The following LRRTM4 variants were observed in gnomAD, a reference collection of about 807,000 sequenced individuals.
LRRTM4 encodes the protein leucine rich repeat transmembrane neuronal 4.
A neutral mutation model predicts 47.6 loss-of-function variants in LRRTM4; 25 were observed. The ratio of observed to expected loss-of-function variants is 0.53; its 90% CI spans 0.38 to 0.73. LRRTM4 has a LOEUF of 0.73. Ranked by LOEUF, LRRTM4 falls within the 30% of genes least tolerant of loss-of-function variation. The pLI is 0.00. For missense variants in LRRTM4, 638 were observed against 713.4 expected (o/e 0.89, Z 1.20); for synonymous variants, 311 against 269.5 (o/e 1.15, Z -1.51).
chr2:77,483,155 T>C (rs886425880), intron 3 of LRRTM4, among the ~76,000 whole-genome samples: 1 of 124,126 alleles, frequency 8.1e-6, no homozygotes, highest in East Asian at 3.9e-4. Context: ...AAAAAAAAAA[T>C]TCCACCGCAT....
intron 3 of LRRTM4, among the ~76,000 whole-genome samples, chr2:77,248,922 A>G (rs1212070026): frequency 6.6e-6 from 1 of 152,186 alleles, no homozygotes. Flanking sequence ...CCAAATATAA[A>G]AGAAAAAATA....
chr2:76,939,431 T>C (rs1049401769), intron 3 of LRRTM4, among the ~76,000 whole-genome samples: 4 of 152,098 alleles, frequency 2.6e-5, no homozygotes, highest in African/African-American at 4.8e-5. Context: ...ATTGAAAAAT[T>C]ACACAGATTT....
At chr2:77,042,674 TAAGTA>T (rs1404984188) in intron 3 of LRRTM4, among the ~76,000 whole-genome samples, 2 of 148,922 alleles carry the variant, frequency 1.3e-5, no homozygotes, top group South Asian at 2.1e-4. Context: ...CTTATGATGA[TAAGTA>T]AATTATGTGA....
At chr2:77,138,840 C>G (rs1479311824) in intron 3 of LRRTM4, among the ~76,000 whole-genome samples, 1 of 152,030 alleles carries the variant, frequency 6.6e-6, no homozygotes, top group African/African-American at 2.4e-5. Flanking sequence ...GAATACTATA[C>G]ACACCTTTAT....
intron 3 of LRRTM4, among the ~76,000 whole-genome samples, chr2:76,789,789 G>A (rs924804875): frequency 9.2e-5 from 14 of 152,136 alleles, no homozygotes; most frequent in Non-Finnish European, 1.5e-5. Context: ...AGAGAACAAA[G>A]GCATGGTGTC....
At chr2:77,456,037 C>T (rs59381121) in intron 3 of LRRTM4, among the ~76,000 whole-genome samples, 6,852 of 152,140 alleles carry the variant, frequency 0.045, 461 homozygotes, top group African/African-American at 0.15. Flanking sequence ...TGTCAACATG[C>T]GTAAATCCCT....
At chr2:77,108,003 G>C (rs1203904406) in intron 3 of LRRTM4, among the ~76,000 whole-genome samples, 2 of 151,870 alleles carry the variant, frequency 1.3e-5, no homozygotes, top group Admixed American at 6.6e-5. Context: ...CATGGCTGTG[G>C]AAGTATTTAC....
At chr2:77,458,480 C>G (rs193296920) in intron 3 of LRRTM4, among the ~76,000 whole-genome samples, 2 of 152,012 alleles carry the variant, frequency 1.3e-5, no homozygotes, top group Non-Finnish European at 2.9e-5. Context: ...GCCAATGGAA[C>G]CTGAGAAGCA....
At chr2:76,986,874 A>C (rs1221895517) in intron 3 of LRRTM4, among the ~76,000 whole-genome samples, 1 of 151,962 alleles carries the variant, frequency 6.6e-6, no homozygotes, top group African/African-American at 2.4e-5. Flanking sequence ...AACTAAAATA[A>C]ACATGGCAAA....
At chr2:76,968,204 C>G (rs1676091195) in intron 3 of LRRTM4, among the ~76,000 whole-genome samples, 1 of 150,048 alleles carries the variant, frequency 6.7e-6, no homozygotes, top group Non-Finnish European at 1.5e-5. Flanking sequence ...CTGTTTAATT[C>G]AGTAATGATA....
At chr2:76,859,201 G>A (rs1304070245) in intron 3 of LRRTM4, among the ~76,000 whole-genome samples, 1 of 152,160 alleles carries the variant, frequency 6.6e-6, no homozygotes, top group Non-Finnish European at 1.5e-5. Context: ...TACTGGTTGA[G>A]TGCAAGGGTG....
intron 3 of LRRTM4, among the ~76,000 whole-genome samples, chr2:76,781,368 A>T: frequency 6.6e-6 from 1 of 152,138 alleles, no homozygotes; most frequent in East Asian, 1.9e-4. Context: ...GCCGCCTTGC[A>T]GTTTGATCTC....
intron 3 of LRRTM4, among the ~76,000 whole-genome samples, chr2:77,461,138 T>TGAGAGAGAGAGAGAGAGA (rs72075725): frequency 2.1e-5 from 3 of 145,458 alleles, no homozygotes; most frequent in South Asian, 2.2e-4. Context: ...ACATACACAG[T>TGAGAGAGAGAGAGAGAGA]GAGAGAGAGA....
chr2:77,316,073 T>G (rs1422032031), intron 3 of LRRTM4, among the ~76,000 whole-genome samples: 1 of 152,196 alleles, frequency 6.6e-6, no homozygotes, highest in Non-Finnish European at 1.5e-5. Context: ...AAAATCAACT[T>G]CTGTCTGTCC....
intron 3 of LRRTM4, among the ~76,000 whole-genome samples, chr2:76,963,706 A>G (rs1054747333): frequency 6.6e-6 from 1 of 150,888 alleles, no homozygotes; most frequent in Non-Finnish European, 1.5e-5. Context: ...TATTTCAGAC[A>G]TATTACAGGG....
intron 3 of LRRTM4, among the ~76,000 whole-genome samples, chr2:76,996,817 T>C (rs1206296864): frequency 1.3e-5 from 2 of 152,148 alleles, no homozygotes; most frequent in African/African-American, 4.8e-5. Flanking sequence ...AATTACATAA[T>C]TGACATAACA....
At chr2:77,129,038 G>A (rs538195734) in intron 3 of LRRTM4, among the ~76,000 whole-genome samples, 2 of 152,158 alleles carry the variant, frequency 1.3e-5, no homozygotes, top group Non-Finnish European at 2.9e-5. Flanking sequence ...CTTGCAAACA[G>A]GTATTTCCAA....
intron 3 of LRRTM4, among the ~76,000 whole-genome samples, chr2:77,264,546 T>C (rs1676001925): frequency 6.6e-6 from 1 of 151,968 alleles, no homozygotes; most frequent in Admixed American, 6.6e-5. Context: ...TAATAGAAAG[T>C]AAAGAAATCC....
chr2:77,288,436 C>G (rs1026562082), intron 3 of LRRTM4, among the ~76,000 whole-genome samples: 2 of 151,710 alleles, frequency 1.3e-5, no homozygotes, highest in African/African-American at 2.4e-5. Context: ...AAAAGCTGAT[C>G]TTTCTGAAGG....
Sources: allele counts gnomAD v4.1 joint callset (sites outside exome capture counted in the v4.1 genomes callset), GRCh38; gene constraint gnomAD v4.1.1; transcripts MANE v1.5; gene names NCBI Gene and HGNC (gene_info 2026-07-23, HGNC 2026-07-21).